Variants in PTK2 observed in about 807,000 individuals in gnomAD.
The protein encoded by PTK2 is protein tyrosine kinase 2, also known as focal adhesion kinase 1.
Under a neutral mutation model 150.1 loss-of-function variants are expected in PTK2, and 45 were observed. The ratio of observed to expected loss-of-function variants is 0.30; its 90% confidence interval spans 0.24 to 0.38. PTK2 has a LOEUF of 0.38. Ranked by LOEUF, PTK2 falls within the 10% of genes least tolerant of loss-of-function variation. The pLI, the probability that PTK2 is intolerant of heterozygous loss-of-function variation, is 1.00. For synonymous variants in PTK2, 432 were observed against 449.2 expected (o/e 0.96, Z 0.48); for missense variants, 919 against 1,307.3 (o/e 0.70, Z 4.58).
intron 2 of PTK2, among the ~76,000 whole-genome samples, chr8:140,895,271 T>G (rs2100155706): frequency 6.6e-6 from 1 of 152,202 alleles, no homozygotes; most frequent in Admixed American, 6.5e-5. Context: ...ATCACGCCTG[T>G]AATCCCAGCA....
At chr8:140,706,230 T>C (rs377060270) in intron 23 of PTK2, 25 bp from the exon 27 acceptor site, 240 of 1,548,518 alleles carry the variant, frequency 1.5e-4, no homozygotes, top group Middle Eastern at 3.4e-4. Flanking sequence ...GAGCATCATA[T>C]GAATGAACCT....
At chr8:140,692,886 G>A (rs2100024050) in intron 26 of PTK2, among the ~76,000 whole-genome samples, 1 of 152,134 alleles carries the variant, frequency 6.6e-6, no homozygotes, top group African/African-American at 2.4e-5. Context: ...TTAGTTCCCC[G>A]TCTCGGCATT....
chr8:140,969,133 G>A (rs894098517), intron 1 of PTK2, among the ~76,000 whole-genome samples: 1 of 152,178 alleles, frequency 6.6e-6, no homozygotes, highest in Non-Finnish European at 1.5e-5. Context: ...GCAGGTGGAT[G>A]AGGGAGGAAT....
At chr8:140,812,475 C>T (rs1459096904) in intron 10 of PTK2, among the ~76,000 whole-genome samples, 2 of 152,184 alleles carry the variant, frequency 1.3e-5, no homozygotes, top group Non-Finnish European at 2.9e-5. Context: ...AAAGCAAACA[C>T]ACAAACAAGT....
chr8:140,695,385 G>A (rs2100025905), intron 26 of PTK2, among the ~76,000 whole-genome samples: 1 of 151,256 alleles, frequency 6.6e-6, no homozygotes, highest in Admixed American at 6.6e-5. Flanking sequence ...TGAGCCATCA[G>A]TCAGCAAGCA....
intron 5 of PTK2, among the ~76,000 whole-genome samples, chr8:140,853,197 T>C (rs72683777): frequency 9.2e-5 from 5 of 54,278 alleles, no homozygotes; most frequent in Non-Finnish European, 2.9e-4. Context: ...CACACTCTTT[T>C]TTTTTTTTAA....
chr8:140,947,375 T>C (rs2100178048), intron 1 of PTK2, among the ~76,000 whole-genome samples: 1 of 152,162 alleles, frequency 6.6e-6, no homozygotes, highest in Non-Finnish European at 1.5e-5. Context: ...AAACTGAGGA[T>C]AAGAAAAATA....
In PTK2 at chr8:140,684,469, C is replaced by T. The variant is rs149901493; in HGVS notation, c.2562+2163G>A. On this transcript the variant is annotated intron_variant, in intron 27 of 31. Coordinates refer to ENST00000522684, the Ensembl canonical transcript of PTK2. ...CAGACTATGGACCAATACCAGTCTG[C>T]GGCCCAGGAAGATGGGGACTCCTGT... Among the ~76,000 whole-genome samples the T allele has an allele frequency of 6.0e-3, 915 of 152,304 alleles. 6 individuals carry two copies. The highest frequency in any genetic ancestry group is 0.014 in the African/African-American group (581 of 41,558).
intron 27 of PTK2, among the ~76,000 whole-genome samples, chr8:140,677,239 G>A (rs187261141): frequency 2.0e-5 from 3 of 152,104 alleles, no homozygotes; most frequent in Non-Finnish European, 4.4e-5. Flanking sequence ...GATGGAAAGG[G>A]GCTTGGTAGC....
chr8:140,800,863 C>T (rs985141060), intron 11 of PTK2, among the ~76,000 whole-genome samples: 2 of 152,270 alleles, frequency 1.3e-5, no homozygotes, highest in East Asian at 1.9e-4. Context: ...GAGTGTCTGG[C>T]CCCTCTGGCA....
intron 26 of PTK2, among the ~76,000 whole-genome samples, chr8:140,694,310 G>C (rs1323936404): frequency 6.6e-6 from 1 of 151,928 alleles, no homozygotes; most frequent in Non-Finnish European, 1.5e-5. Context: ...CAAAATGCTG[G>C]GATTACAGGT....
Position 140,961,457 on chromosome 8 carries a change from C to A in PTK2, c.-121-35708G>T, listed in dbSNP as rs760619971. On this transcript the variant is annotated intron_variant, in intron 1 of 31. Coordinates refer to ENST00000522684, the Ensembl canonical transcript of PTK2. ...AGAGTGGATCACAAGGTCAGGAGAT[C>A]GAGACCGTCCTGGCTAACACAGTGA... Among the ~76,000 whole-genome samples, 42 of 151,944 alleles carry A rather than the reference C, an allele frequency of 2.8e-4. 1 individual carries two copies. Among genetic ancestry groups the A allele is most frequent in the Non-Finnish European group, 3.4e-4 (23 of 67,984 alleles).
At chr8:140,720,240 TTTTAA>T (rs1257331849) in intron 22 of PTK2, among the ~76,000 whole-genome samples, 2 of 152,346 alleles carry the variant, frequency 1.3e-5, no homozygotes, top group East Asian at 3.9e-4. Context: ...TCCTTATTTA[TTTTAA>T]TTTATGACTT....
intron 1 of PTK2, among the ~76,000 whole-genome samples, chr8:140,976,367 T>G (rs1290118688): frequency 6.6e-6 from 1 of 152,238 alleles, no homozygotes; most frequent in Non-Finnish European, 1.5e-5. Context: ...ATTTTCAAGT[T>G]AATGCTACTT....
chr8:140,736,175 C>T lies in PTK2; in HGVS notation c.1826-720G>A, dbSNP rs1418186043. On this transcript the variant is annotated intron_variant, in intron 21 of 31. Coordinates refer to ENST00000522684, the Ensembl canonical transcript of PTK2. ...AAGAAAATGTAGTACATATATGCCACGGAATACTATGCAGGCATAAAAGAA... is the reference window on the plus strand; with the variant it reads ...AAGAAAATGTAGTACATATATGCCATGGAATACTATGCAGGCATAAAAGAA... 4.6e-5 allele frequency among the ~76,000 whole-genome samples: 7 copies of T among 152,190 alleles called. No individual in the cohort carries two copies. The South Asian group carries it at 6.2e-4, about 13-fold the overall frequency.
chr8:140,813,346 C>A (rs933769378), intron 10 of PTK2, among the ~76,000 whole-genome samples: 3 of 151,416 alleles, frequency 2.0e-5, no homozygotes, highest in Admixed American at 6.6e-5. Flanking sequence ...AGAACCAAGA[C>A]ACAATGTACC....
intron 1 of PTK2, among the ~76,000 whole-genome samples, chr8:140,953,199 C>A (rs578057788): frequency 6.6e-6 from 1 of 152,262 alleles, no homozygotes; most frequent in African/African-American, 2.4e-5. Flanking sequence ...TAGTCCCCCC[C>A]AGTAGATGCC....
intron 1 of PTK2, among the ~76,000 whole-genome samples, chr8:140,964,480 C>T (rs557137747): frequency 6.6e-6 from 1 of 151,470 alleles, no homozygotes; most frequent in African/African-American, 2.4e-5. Context: ...CAGGCTCATG[C>T]GATTCTCCTA....
At chr8:140,846,645 G>C in exon 6 of PTK2, 3 of 1,612,460 alleles carry the variant, frequency 1.9e-6, no homozygotes, top group South Asian at 2.2e-5. Flanking sequence ...TGGTCCACTT[G>C]ATCAGCTATC....
Sources: gnomAD v4.1 joint callset for allele counts (sites outside exome capture counted in the v4.1 genomes callset) on GRCh38, gnomAD v4.1.1 for gene constraint, MANE v1.5 for transcripts, NCBI Gene and HGNC (gene_info 2026-07-23, HGNC 2026-07-21) for gene names.